TFIP11: variants seen among roughly 807,000 people sequenced by gnomAD.
TFIP11 encodes tuftelin interacting protein 11, also known as tuftelin-interacting protein 11.
Under a neutral mutation model 96.8 loss-of-function variants are expected in TFIP11, and 86 were observed. The ratio of observed to expected loss-of-function variants is 0.89; its 90% CI spans 0.75 to 1.06. The LOEUF is 1.06. Ranked by LOEUF, TFIP11 falls within the 50% of genes least tolerant of loss-of-function variation. TFIP11 has a pLI of 0.00. For synonymous variants in TFIP11, 405 were observed against 395.2 expected, an observed-to-expected ratio of 1.02 and a Z score of -0.29; for missense variants, 881 against 1,076.7, an observed-to-expected ratio of 0.82 and a Z score of 2.54.
In TFIP11 at chr22:26,496,822, C is replaced by T. The variant is rs1922124273; in HGVS notation, c.1504G>A (p.Asp502Asn). The change falls in exon 11 of 15, where the codon GAC becomes AAC. Residue 502 changes from aspartate (D) to asparagine (N), a missense_variant. Coordinates refer to ENST00000407690, the MANE Select transcript of TFIP11 (RefSeq NM_012143.4). The part of the protein sequence containing the change: ...IVTQWQPRNC[D>N]PMVDFLDSWV... The stretch of plus-strand genomic sequence containing the variant: ...CTATCCAAAAAGTCCACCATCGGGT[C>T]ACAGTTCCTTGGCTGCCACTGGGTG... 6.2e-7 allele frequency: 1 copy of T among 1,614,182 alleles called. No homozygotes were observed. The highest frequency in any genetic ancestry group is 8.5e-7 in the Non-Finnish European group (1 of 1,180,046).
intron 7 of TFIP11, 33 bp downstream of exon 7, chr22:26,503,633 A>C: frequency 1.2e-6 from 2 of 1,612,008 alleles, no homozygotes; most frequent in Non-Finnish European, 1.7e-6. Context: ...TGGACAGGAC[A>C]CCATCCACCC....
At position 26,497,026 on chromosome 22, in the gene TFIP11, A is replaced by T. The variant is rs1602203510; in HGVS notation, c.1437-137T>A. 16 of 1,055,768 alleles carry T rather than the reference A, an allele frequency of 1.5e-5. No homozygotes were observed. In the East Asian group the frequency reaches 4.1e-4, roughly 27 times the overall value. 65.4% of individuals were successfully genotyped at this position (1,055,768 alleles called of 1,614,324 possible). A position where few individuals can be genotyped will look rare whatever the true frequency, so the allele number is the denominator to read the frequency against. On this transcript the variant is annotated intron_variant, in intron 10 of 14. Coordinates refer to ENST00000407690, the MANE Select transcript of TFIP11 (RefSeq NM_012143.4). ...TCCAATCAGAGGAAACCATCAGGCC[A>T]GTCACCATACTGGCCAGACTGAGCC...
Position 26,496,765 on chromosome 22 carries a change from C to T in TFIP11, c.1561G>A (p.Asp521Asn). 1 of 1,614,074 alleles carries T rather than the reference C, an allele frequency of 6.2e-7. No homozygotes were observed. The highest frequency in any genetic ancestry group is 8.5e-7 in the Non-Finnish European group (1 of 1,180,016). ...WVHIIPVWIL[D>N]NILDQLIFPK... ...AAGATGAGTTGGTCCAGTATGTTAT[C>T]TAAGATCCACACAGGAATAATGTGC... Residue 521 changes from aspartate to asparagine, a missense_variant, in exon 11 of 15, where the codon GAT (aspartate) becomes AAT (asparagine). Transcript: ENST00000407690.
In TFIP11 at chr22:26,510,193, G is replaced by A. The variant is rs183323311; in HGVS notation, c.80C>T (p.Thr27Ile). 89 of 1,614,158 alleles carry A rather than the reference G, an allele frequency of 5.5e-5. No homozygotes were observed. The highest frequency in any genetic ancestry group is 6.6e-5 in the Non-Finnish European group (78 of 1,180,042). Reference sequence around the variant, plus strand: ...GAACTCATTCTGGAGATCCCAGTCAGTGATCTCAAAGTTCTCCCGCTCGTC... The same window carrying A: ...GAACTCATTCTGGAGATCCCAGTCAATGATCTCAAAGTTCTCCCGCTCGTC... ...DDDERENFEI[T>I]DWDLQNEFNP... is the part of the protein sequence containing the mutation. Residue 27 changes from threonine to isoleucine, a missense_variant, in exon 4 of 15, where the codon ACT (threonine) becomes ATT (isoleucine). Coordinates refer to ENST00000407690, the MANE Select transcript of TFIP11 (RefSeq NM_012143.4).
intron 7 of TFIP11, 97 bp from the exon 8 acceptor site, chr22:26,502,149 T>TCTTAGATTTA (rs1922878912): frequency 2.7e-6 from 4 of 1,479,250 alleles, no homozygotes; most frequent in Non-Finnish European, 3.7e-6. Context: ...CCATTCACTG[T>TCTTAGATTTA]CTTAGATTTA....
At chr22:26,501,692 T>C (rs532468847) in intron 8 of TFIP11, among the ~76,000 whole-genome samples, 2 of 145,834 alleles carry the variant, frequency 1.4e-5, no homozygotes, top group East Asian at 2.1e-4. Flanking sequence ...TTACTAAATA[T>C]GGGAGTGTAA....
rs577500587 is a variant in TFIP11, at chr22:26,503,780, T to A, written c.534A>T (p.Pro178=). 8.1e-6 allele frequency: 13 copies of A among 1,613,516 alleles called. No individual in the cohort carries two copies. The East Asian group carries it at 2.7e-4, about 33-fold the overall frequency. The change falls in exon 7 of 15, where the codon CCA becomes CCT. Residue 178 remains proline (P), a synonymous_variant. Coordinates refer to ENST00000407690, the MANE Select transcript of TFIP11 (RefSeq NM_012143.4). The part of the protein sequence containing the change: ...LGKNAQGIIN[P]IEAKQRKGKG... The stretch of plus-strand genomic sequence containing the variant: ...TTCCCTTTCTCTGCTTGGCTTCAAT[T>A]GGGTTAATGATACCTGAGGAATTTC...
intron 7 of TFIP11, among the ~76,000 whole-genome samples, chr22:26,502,946 TC>T (rs1386876600): frequency 6.6e-6 from 1 of 152,216 alleles, no homozygotes; most frequent in African/African-American, 2.4e-5. Flanking sequence ...CAGTGGTCAA[TC>T]CCACATTTAT....
intron 8 of TFIP11, among the ~76,000 whole-genome samples, chr22:26,500,661 GAAA>G (rs112618998): frequency 7.0e-6 from 1 of 142,488 alleles, no homozygotes; most frequent in African/African-American, 2.6e-5. Flanking sequence ...CTCACTGGAG[GAAA>G]AAAAAAAAAA....
At chr22:26,511,168 G>C (rs1924009027) in intron 2 of TFIP11, 1 of 152,468 alleles carries the variant, frequency 6.6e-6, no homozygotes, top group Non-Finnish European at 1.5e-5. Flanking sequence ...GGAGCAAGGA[G>C]AGCCAGTCAA....
intron 8 of TFIP11, among the ~76,000 whole-genome samples, chr22:26,500,878 CTTTTTT>C (rs397958538): frequency 2.0e-5 from 2 of 102,060 alleles, no homozygotes; most frequent in Non-Finnish European, 3.8e-5. Context: ...TAACGGAAAA[CTTTTTT>C]TTTTTTTTTT....
At chr22:26,498,673 C>G (rs1230442796) in intron 10 of TFIP11, 196 bp downstream of exon 10, 8 of 549,558 alleles carry the variant, frequency 1.5e-5, no homozygotes, top group Non-Finnish European at 2.6e-5. Context: ...TTCCCCAAAC[C>G]CTATGGAAAT....
At chr22:26,496,440 T>C (rs755097406) in intron 11 of TFIP11, 124 bp from the exon 12 acceptor site, 45 of 1,324,854 alleles carry the variant, frequency 3.4e-5, no homozygotes, top group African/African-American at 4.4e-5. Context: ...CCACAGTCCT[T>C]TGTACATTGC....
chr22:26,493,044 G>C (rs74355529), intron 14 of TFIP11: 1 of 118,100 alleles, frequency 8.5e-6, no homozygotes, highest in Non-Finnish European at 1.8e-5. Context: ...TTTTTTTTTT[G>C]AGACCGAGTC....
At chr22:26,496,940 A>G in intron 10 of TFIP11, 51 bp from the exon 11 acceptor site, 2 of 1,591,786 alleles carry the variant, frequency 1.3e-6, no homozygotes, top group African/African-American at 2.7e-5. Context: ...GACTGGTTTC[A>G]AAGTACACCA....
In TFIP11 at chr22:26,503,747, AG is replaced by A. The variant is rs759470564; in HGVS notation, c.566del (p.Ala189ValfsTer34). 4.3e-6 allele frequency: 7 copies of A among 1,613,848 alleles called. No homozygotes were observed. The highest frequency in any genetic ancestry group is 5.9e-6 in the Non-Finnish European group (7 of 1,179,990). ...TGCGCTCGGATCCATAAGCCCCCAC[AG>A]CACCTTTTCCCTTTCTCTGCTTGGC... ...IEAKQRKGKG[A>X]VGAYGSERTT... On this transcript the variant is annotated frameshift_variant, in exon 7 of 15. Coordinates refer to ENST00000407690, the MANE Select transcript of TFIP11 (RefSeq NM_012143.4). LOFTEE classifies it high-confidence loss of function.
At chr22:26,512,277 T>C (rs1285010103) in intron 1 of TFIP11, 102 bp from the exon 2 acceptor site, 2 of 152,202 alleles carry the variant, frequency 1.3e-5, no homozygotes, top group African/African-American at 4.8e-5. Context: ...GGCAGAGCTG[T>C]CTACGAAATG....
intron 14 of TFIP11, 94 bp downstream of exon 14, chr22:26,494,045 C>T: frequency 6.9e-7 from 1 of 1,458,444 alleles, no homozygotes. Flanking sequence ...TTTAGGCTGC[C>T]TACAGGAACC....
rs755309325 is a variant in TFIP11 at position 26,494,361 on chromosome 22, C to T, written c.1993-57G>A. ...GTGGCAACAAATGAAGGCAAGATTT[C>T]TGAAGTGGCCATTTGTTTTGTTTTG... On this transcript the variant is annotated intron_variant, in intron 13 of 14. Coordinates refer to ENST00000407690, the MANE Select transcript of TFIP11 (RefSeq NM_012143.4). 1.9e-6 allele frequency: 3 copies of T among 1,604,400 alleles called. No homozygotes were observed. In the East Asian group the frequency reaches 6.7e-5, roughly 36 times the overall value.
Sources: allele counts gnomAD v4.1 joint callset (sites outside exome capture counted in the v4.1 genomes callset), GRCh38; gene constraint gnomAD v4.1.1; transcripts MANE v1.5; gene names NCBI Gene and HGNC (gene_info 2026-07-23, HGNC 2026-07-21).